UNC5A: variants seen among roughly 807,000 people sequenced by gnomAD.
The protein encoded by UNC5A is unc-5 netrin receptor A.
Under a neutral mutation model 87.4 loss-of-function variants are expected in UNC5A, and 20 were observed. The ratio of observed to expected loss-of-function variants is 0.23; its 90% CI spans 0.16 to 0.33. UNC5A has a LOEUF of 0.33. Ranked by LOEUF, UNC5A falls within the 10% of genes least tolerant of loss-of-function variation. UNC5A has a pLI of 1.00. For synonymous variants in UNC5A, 438 were observed against 482.3 expected, an observed-to-expected ratio of 0.91 and a Z score of 1.20; for missense variants, 844 against 1,133.4, an observed-to-expected ratio of 0.74 and a Z score of 3.67.
At chr5:176,851,022 G>A (rs1216375101) in intron 1 of UNC5A, among the ~76,000 whole-genome samples, 1 of 151,140 alleles carries the variant, frequency 6.6e-6, no homozygotes, top group African/African-American at 2.4e-5. Flanking sequence ...CCACCCCATG[G>A]GGGCATGGAC....
rs1285414321 is a variant in UNC5A at position 176,831,883 on chromosome 5, C to CT, written c.70+21064dup. On this transcript the variant is annotated intron_variant, in intron 1 of 14. Coordinates refer to ENST00000329542, the MANE Select transcript of UNC5A (RefSeq NM_133369.3). ...TTTCACTTTCACACACTTTCTCTCT[C>CT]TCTTTTTTTTTTTTTTTTTTTTTTT... Among the ~76,000 whole-genome samples, 530 of 115,248 alleles carry CT rather than the reference C, an allele frequency of 4.6e-3. 21 individuals are homozygous for CT. Among genetic ancestry groups the CT allele is most frequent in the African/African-American group, 0.018 (497 of 27,226 alleles). The allele number at this position is 115,248 out of a possible 152,430, so 75.6% of individuals were successfully genotyped here.
At chr5:176,872,891 C>A (rs1260837774) in intron 6 of UNC5A, among the ~76,000 whole-genome samples, 1 of 136,368 alleles carries the variant, frequency 7.3e-6, no homozygotes, top group South Asian at 2.5e-4. Flanking sequence ...CCACACCTGC[C>A]CCAACACCAC....
At chr5:176,857,717 A>G (rs1757702271) in intron 1 of UNC5A, among the ~76,000 whole-genome samples, 1 of 152,118 alleles carries the variant, frequency 6.6e-6, no homozygotes, top group East Asian at 1.9e-4. Flanking sequence ...CTCACCGCAA[A>G]TGGGGTTCCC....
At chr5:176,847,215 T>C (rs937281865) in intron 1 of UNC5A, among the ~76,000 whole-genome samples, 9 of 152,186 alleles carry the variant, frequency 5.9e-5, no homozygotes, top group Admixed American at 2.0e-4. Flanking sequence ...GATGAAAGGA[T>C]GCTTGGATGA....
Position 176,865,607 on chromosome 5 carries a change from G to A in UNC5A, c.293-2523G>A, listed in dbSNP as rs1022114455. On this transcript the variant is annotated intron_variant, in intron 2 of 14. Transcript: ENST00000329542. The surrounding 1 kb of genome is among the most constrained non-coding windows in gnomAD (Gnocchi z 5.3). ...ATCGATTTCTCAACCCAAAGCCATC[G>A]AGTGCTTTGAGGTGAAGAAAAAGGC... is the stretch of plus-strand genomic sequence containing the variant. 3 of 456,782 alleles carry A rather than the reference G, an allele frequency of 6.6e-6. No individual in the cohort carries two copies. The highest frequency in any genetic ancestry group is 2.0e-5 in the African/African-American group (1 of 50,096). 28.3% of individuals were successfully genotyped at this position (456,782 alleles called of 1,614,324 possible).
intron 1 of UNC5A, among the ~76,000 whole-genome samples, chr5:176,822,090 T>A (rs1192394488): frequency 6.6e-6 from 1 of 152,256 alleles, no homozygotes; most frequent in Non-Finnish European, 1.5e-5. Context: ...CTCAGTTTGC[T>A]CACCTGGAAA....
intron 13 of UNC5A, among the ~76,000 whole-genome samples, chr5:176,879,023 TGA>T (rs1758340969): frequency 6.6e-6 from 1 of 151,938 alleles, no homozygotes; most frequent in South Asian, 2.1e-4. Context: ...CTGTGTGTGT[TGA>T]GTGTCAGCAG....
intron 8 of UNC5A, among the ~76,000 whole-genome samples, chr5:176,876,902 G>A (rs985027911): frequency 4.6e-5 from 7 of 152,182 alleles, no homozygotes; most frequent in African/African-American, 9.7e-5. Flanking sequence ...TGCCTTTCAG[G>A]GGACAAGGGA....
chr5:176,833,004 C>T (rs985867951), intron 1 of UNC5A, among the ~76,000 whole-genome samples: 4 of 152,210 alleles, frequency 2.6e-5, no homozygotes, highest in Admixed American at 6.5e-5. Context: ...CCATTCCCTC[C>T]CCAGTGCCAC....
chr5:176,854,283 C>A (rs1554098630), intron 1 of UNC5A, among the ~76,000 whole-genome samples: 1 of 149,892 alleles, frequency 6.7e-6, no homozygotes, highest in Non-Finnish European at 1.5e-5. Flanking sequence ...TGTCTCTGTC[C>A]CTGTCTCTGT....
Position 176,870,516 on chromosome 5 carries a change from A to C in UNC5A, c.868A>C (p.Ser290Arg). 1 of 1,602,884 alleles carries C rather than the reference A, an allele frequency of 6.2e-7. No individual in the cohort carries two copies. The highest frequency in any genetic ancestry group is 8.5e-7 in the Non-Finnish European group (1 of 1,172,624). The change falls in exon 6 of 15, where the codon AGT becomes CGT. Residue 290 changes from serine (S) to arginine (R), a missense_variant. This residue lies in a region of UNC5A where 314 missense variants were observed against 466.5 expected (regional missense o/e 0.67). Coordinates refer to ENST00000329542, the MANE Select transcript of UNC5A (RefSeq NM_133369.3). ...TGACCTGGACACCCGCAACTGTACC[A>C]GTGACCTCTGTGTACACAGTGAGTC... is the stretch of plus-strand genomic sequence containing the variant. ...GTDLDTRNCT[S>R]DLCVHTASGP... is the part of the protein sequence containing the mutation.
At chr5:176,815,639 T>C (rs1332907571) in intron 1 of UNC5A, among the ~76,000 whole-genome samples, 2 of 152,352 alleles carry the variant, frequency 1.3e-5, no homozygotes, top group East Asian at 3.9e-4. Context: ...TTCCTCTGTG[T>C]TCCTTCGCAT....
intron 1 of UNC5A, among the ~76,000 whole-genome samples, chr5:176,828,944 CAT>C (rs993050640): frequency 6.6e-6 from 1 of 152,032 alleles, no homozygotes; most frequent in Non-Finnish European, 1.5e-5. Flanking sequence ...GCCTGACCAA[CAT>C]GGTAAAACCC....
chr5:176,873,051 G>T lies in UNC5A; in HGVS notation c.887-917G>T, dbSNP rs572503699. On this transcript the variant is annotated intron_variant, in intron 6 of 14. Coordinates refer to ENST00000329542, the MANE Select transcript of UNC5A (RefSeq NM_133369.3). Reference sequence around the variant, plus strand: ...CACCCAACACCACAGCTTCCCATCTGCCCACACTCACCAACACCACAGCTT... The same window carrying T: ...CACCCAACACCACAGCTTCCCATCTTCCCACACTCACCAACACCACAGCTT... 2.4e-3 allele frequency among the ~76,000 whole-genome samples: 205 copies of T among 85,182 alleles called. 3 individuals carry two copies. The highest frequency in any genetic ancestry group is 9.1e-3 in the African/African-American group (191 of 20,932). The allele number at this position is 85,182 out of a possible 152,430, so 55.9% of individuals were successfully genotyped here. A position where few individuals can be genotyped will look rare whatever the true frequency, so the allele number is the denominator to read the frequency against.
intron 1 of UNC5A, among the ~76,000 whole-genome samples, chr5:176,846,417 A>T (rs547309710): frequency 6.6e-6 from 1 of 152,298 alleles, no homozygotes; most frequent in East Asian, 1.9e-4. Context: ...ACCAGCAGGG[A>T]CAAGACAGCA....
At chr5:176,819,820 C>T (rs1272736234) in intron 1 of UNC5A, among the ~76,000 whole-genome samples, 4 of 152,218 alleles carry the variant, frequency 2.6e-5, no homozygotes, top group African/African-American at 9.6e-5. Context: ...TCTTGTCCAC[C>T]AAGAAGGGTG....
At chr5:176,860,194 G>A (rs10071529) in intron 1 of UNC5A, among the ~76,000 whole-genome samples, 1 of 152,190 alleles carries the variant, frequency 6.6e-6, no homozygotes, top group Non-Finnish European at 1.5e-5. Flanking sequence ...CAGGTGGGCC[G>A]GGAACCTGCC....
intron 1 of UNC5A, among the ~76,000 whole-genome samples, chr5:176,827,141 C>T (rs376819239): frequency 3.3e-5 from 5 of 149,762 alleles, no homozygotes; most frequent in African/African-American, 4.9e-5. Flanking sequence ...CAGGTTCATC[C>T]GTGTTGTAGC....
intron 1 of UNC5A, among the ~76,000 whole-genome samples, chr5:176,842,327 G>A (rs1029378218): frequency 1.3e-5 from 2 of 152,250 alleles, no homozygotes; most frequent in Non-Finnish European, 1.5e-5. Flanking sequence ...TCCTTAAAGA[G>A]CTACCCTTTA....
Sources: gnomAD v4.1 joint callset for allele counts (sites outside exome capture counted in the v4.1 genomes callset) on GRCh38, gnomAD v4.1.1 for gene constraint, gnomAD v4.1.1 regional missense constraint, Gnocchi (gnomAD v3.1) non-coding constraint, MANE v1.5 for transcripts, NCBI Gene and HGNC (gene_info 2026-07-23, HGNC 2026-07-21) for gene names.